RBFOX1: variants seen among roughly 807,000 people sequenced by gnomAD.
RBFOX1 encodes the protein RNA binding protein fox-1 homolog 1.
A neutral mutation model predicts 57.7 loss-of-function variants in RBFOX1; 8 were observed. That is an observed-to-expected ratio of 0.14 (90% CI 0.08 to 0.25). The LOEUF is 0.25. Ranked by LOEUF, RBFOX1 falls within the 10% of genes least tolerant of loss-of-function variation. RBFOX1 has a pLI of 1.00. For synonymous variants in RBFOX1, 326 were observed against 222.4 expected (o/e 1.47, Z -4.15); for missense variants, 611 against 548.5 (o/e 1.11, Z -1.14).
rs111550273 is a variant in RBFOX1, at chr16:6,865,344, A to C, written c.-15-186713A>C. ...AGTACTTATAATAATTACTTGAATA[A>C]TATGTGTTCATTGTAGATAACATGA... On this transcript the variant is annotated intron_variant, in intron 3 of 15. Coordinates refer to ENST00000550418, the MANE Select transcript of RBFOX1 (RefSeq NM_018723.4). 1.7e-4 allele frequency among the ~76,000 whole-genome samples: 26 copies of C among 152,226 alleles called. 1 individual carries two copies. The highest frequency in any genetic ancestry group is 6.0e-4 in the African/African-American group (25 of 41,558).
chr16:6,680,334 C>G (rs1042500756), intron 3 of RBFOX1, among the ~76,000 whole-genome samples: 3 of 143,706 alleles, frequency 2.1e-5, no homozygotes, highest in Non-Finnish European at 3.0e-5. Flanking sequence ...GCCATCTCAG[C>G]TCACTGCAAG....
At chr16:6,837,127 A>AC (rs2093158854) in intron 3 of RBFOX1, among the ~76,000 whole-genome samples, 1 of 152,220 alleles carries the variant, frequency 6.6e-6, no homozygotes, top group African/African-American at 2.4e-5. Context: ...TTGTTTGCAA[A>AC]CAGTACAGTT....
chr16:7,517,796 A>G (rs1405568619), intron 4 of RBFOX1, among the ~76,000 whole-genome samples: 2 of 150,812 alleles, frequency 1.3e-5, no homozygotes, highest in African/African-American at 4.9e-5. Flanking sequence ...CAGCTTCCAA[A>G]ATGGGAATGA....
At chr16:6,228,165 T>G (rs978144327) in intron 1 of RBFOX1, among the ~76,000 whole-genome samples, 1 of 151,754 alleles carries the variant, frequency 6.6e-6, no homozygotes, top group Non-Finnish European at 1.5e-5. Context: ...ACAAAAAATA[T>G]CTAGGCTTGG....
At chr16:6,851,949 G>A (rs1181204519) in intron 3 of RBFOX1, among the ~76,000 whole-genome samples, 1 of 135,256 alleles carries the variant, frequency 7.4e-6, no homozygotes. Context: ...TTCTTTTTTT[G>A]AGATGGAGGT....
intron 4 of RBFOX1, among the ~76,000 whole-genome samples, chr16:7,245,583 T>G (rs1490479974): frequency 6.6e-6 from 1 of 152,218 alleles, no homozygotes; most frequent in Non-Finnish European, 1.5e-5. Flanking sequence ...TTAAATCTGA[T>G]TTTTATAACT....
chr16:5,414,151 A>G (rs114239682), intron 1 of RBFOX1, among the ~76,000 whole-genome samples: 1,558 of 152,234 alleles, frequency 0.01, 14 homozygotes, highest in African/African-American at 0.032. Context: ...GGTTCTAACA[A>G]TCATTGCGCC....
At chr16:7,507,148 C>G (rs1257751277) in intron 4 of RBFOX1, among the ~76,000 whole-genome samples, 2 of 152,156 alleles carry the variant, frequency 1.3e-5, no homozygotes, top group Non-Finnish European at 2.9e-5. Flanking sequence ...ACTTTGATTT[C>G]ATAGTCACAG....
intron 4 of RBFOX1, among the ~76,000 whole-genome samples, chr16:7,085,484 G>A (rs533442748): frequency 2.0e-5 from 3 of 152,140 alleles, no homozygotes; most frequent in South Asian, 4.2e-4. Flanking sequence ...GTATTTGCTG[G>A]CATGGATTTG....
At position 6,071,268 on chromosome 16, in the gene RBFOX1, C is replaced by T. The variant is rs554733427; in HGVS notation, c.-127+51276C>T. Among the ~76,000 whole-genome samples the T allele has an allele frequency of 1.9e-3, 291 of 152,302 alleles. 2 individuals are homozygous for T. The highest frequency in any genetic ancestry group is 6.6e-3 in the African/African-American group (274 of 41,552). On this transcript the variant is annotated intron_variant, in intron 1 of 15. Coordinates refer to ENST00000550418, the MANE Select transcript of RBFOX1 (RefSeq NM_018723.4). Reference sequence around the variant, plus strand: ...CCCAGGAGGTTGAGGCTGTACTGAGCTGAGATTGCACCATTGCACTCCAGC... The same window carrying T: ...CCCAGGAGGTTGAGGCTGTACTGAGTTGAGATTGCACCATTGCACTCCAGC...
At chr16:6,894,164 C>T (rs138694229) in intron 3 of RBFOX1, among the ~76,000 whole-genome samples, 1 of 152,196 alleles carries the variant, frequency 6.6e-6, no homozygotes, top group Non-Finnish European at 1.5e-5. Flanking sequence ...CTACCTATCT[C>T]TTGTCTGTCT....
intron 4 of RBFOX1, among the ~76,000 whole-genome samples, chr16:7,365,022 A>ATCCG (rs1050514785): frequency 5.2e-4 from 79 of 152,260 alleles, no homozygotes; most frequent in African/African-American, 1.9e-3. Context: ...CTGTCTATCC[A>ATCCG]TCCGTCCGTC....
intron 3 of RBFOX1, among the ~76,000 whole-genome samples, chr16:6,675,008 C>T (rs907828190): frequency 1.3e-5 from 2 of 152,076 alleles, no homozygotes; most frequent in Non-Finnish European, 2.9e-5. Flanking sequence ...CAGGTTCAAG[C>T]CATTCTCGTG....
chr16:5,717,884 G>T (rs1596938298), intron 3 of RBFOX1, among the ~76,000 whole-genome samples: 5 of 152,320 alleles, frequency 3.3e-5, no homozygotes, highest in Admixed American at 3.3e-4. Flanking sequence ...GAAATTGCAG[G>T]TCGAAGGTAC....
chr16:6,813,348 C>G (rs907221897), intron 3 of RBFOX1, among the ~76,000 whole-genome samples: 10 of 152,166 alleles, frequency 6.6e-5, no homozygotes, highest in African/African-American at 1.7e-4. Flanking sequence ...CATGTAACTG[C>G]CTTCAGAAGC....
intron 2 of RBFOX1, among the ~76,000 whole-genome samples, chr16:6,546,871 A>G (rs547467571): frequency 1.8e-4 from 28 of 152,304 alleles, no homozygotes; most frequent in African/African-American, 6.5e-4. Context: ...TCAAACACAG[A>G]TCATGCCTCC....
chr16:5,753,574 G>T (rs2151625669), intron 3 of RBFOX1, among the ~76,000 whole-genome samples: 2 of 152,126 alleles, frequency 1.3e-5, no homozygotes, highest in East Asian at 3.9e-4. Context: ...AGCTTGTATT[G>T]GCTGGCGAGA....
At chr16:6,501,827 A>C (rs931482942) in intron 2 of RBFOX1, among the ~76,000 whole-genome samples, 36 of 123,732 alleles carry the variant, frequency 2.9e-4, no homozygotes, top group African/African-American at 9.8e-4. Context: ...ACTGGGGGGA[A>C]ATTCTTCTTG....
At chr16:6,790,581 C>T (rs551881678) in intron 3 of RBFOX1, among the ~76,000 whole-genome samples, 1 of 152,094 alleles carries the variant, frequency 6.6e-6, no homozygotes, top group African/African-American at 2.4e-5. Flanking sequence ...ATTGTTTTCC[C>T]AACACTGCCT....
Sources: allele counts gnomAD v4.1 joint callset (sites outside exome capture counted in the v4.1 genomes callset), GRCh38; gene constraint gnomAD v4.1.1; transcripts MANE v1.5; gene names NCBI Gene and HGNC (gene_info 2026-07-23, HGNC 2026-07-21).